The following CCDC33 variants were observed in gnomAD, a reference collection of about 807,000 sequenced individuals.
CCDC33 encodes the protein coiled-coil domain-containing protein 33.
CCDC33 carries 94 observed loss-of-function variants against 91.9 expected under a neutral mutation model. The observed-to-expected ratio is 1.02, with a 90% confidence interval of 0.87 to 1.21. CCDC33 has a LOEUF of 1.21. Ranked by LOEUF, CCDC33 falls within the 50% of genes most tolerant of loss-of-function variation. The pLI, the probability that CCDC33 is intolerant of heterozygous loss-of-function variation, is 0.00. For synonymous variants in CCDC33, 396 were observed against 374.5 expected (o/e 1.06, Z -0.66); for missense variants, 940 against 935.5 (o/e 1.00, Z -0.06).
At chr15:74,231,887 G>A (rs2074983186), upstream of CCDC33, among the ~76,000 whole-genome samples, 1 of 152,166 alleles carries the variant, frequency 6.6e-6, no homozygotes, top group African/African-American at 2.4e-5. Flanking sequence ...GTGGTGGCAT[G>A]CCTATAATCC....
intron 1 of CCDC33, among the ~76,000 whole-genome samples, chr15:74,239,837 G>A (rs35282413): frequency 0.46 from 69,569 of 150,230 alleles, 19,136 homozygotes; most frequent in Non-Finnish European, 0.63. Context: ...TACGGGGGGG[G>A]TACCCCATCA....
Position 74,330,655 on chromosome 15 carries a change from C to T in CCDC33, c.1457-8C>T. 1 of 1,611,480 alleles carries T rather than the reference C, an allele frequency of 6.2e-7. No homozygotes were observed. ...CTCCCTGAGCCAGCTCCCCAACCCACCTAACAGTGTCCATGAAGCAGAAAC... is the reference window on the plus strand; with the variant it reads ...CTCCCTGAGCCAGCTCCCCAACCCATCTAACAGTGTCCATGAAGCAGAAAC... On this transcript the variant is annotated splice_region_variant and splice_polypyrimidine_tract_variant and intron_variant, in intron 12 of 18. Coordinates refer to ENST00000398814, the MANE Select transcript of CCDC33 (RefSeq NM_025055.5).
intron 12 of CCDC33, 77 bp from the exon 13 acceptor site, chr15:74,330,586 C>A: frequency 7.9e-7 from 1 of 1,268,698 alleles, no homozygotes; most frequent in Non-Finnish European, 1.1e-6. Context: ...GGGATATCTG[C>A]CTTCCTGCTA....
chr15:74,209,175 C>A, intron 1 of CCDC33: 1 of 1,201,042 alleles, frequency 8.3e-7, no homozygotes, highest in Non-Finnish European at 1.1e-6. Context: ...GGGGCTGGGG[C>A]CCCACACAAC....
rs1378290591 is a variant in CCDC33 at position 74,310,412 on chromosome 15, C to T, written c.1290+14464C>T. On this transcript the variant is annotated intron_variant, in intron 11 of 18. Coordinates refer to ENST00000398814, the MANE Select transcript of CCDC33 (RefSeq NM_025055.5). ...ATCAGCTGAGCGTGATGGTGCATGCCTGTAATCCCAGCTACTTGAGAGGCT... is the reference window on the plus strand; with the variant it reads ...ATCAGCTGAGCGTGATGGTGCATGCTTGTAATCCCAGCTACTTGAGAGGCT... Among the ~76,000 whole-genome samples the T allele has an allele frequency of 5.9e-5, 9 of 152,034 alleles. 1 individual carries two copies. The East Asian group carries it at 1.2e-3, about 20-fold the overall frequency.
chr15:74,294,902 T>C (rs966472047), intron 10 of CCDC33, among the ~76,000 whole-genome samples: 1 of 152,102 alleles, frequency 6.6e-6, no homozygotes, highest in Non-Finnish European at 1.5e-5. Flanking sequence ...GGTGCTGGTA[T>C]TTGAGTGGCA....
At chr15:74,240,376 A>T (rs1373898470) in intron 1 of CCDC33, among the ~76,000 whole-genome samples, 1 of 152,106 alleles carries the variant, frequency 6.6e-6, no homozygotes, top group East Asian at 1.9e-4. Context: ...CCTCCCTTTC[A>T]TGGCCCTAGG....
intron 1 of CCDC33, 48 bp downstream of exon 1, chr15:74,236,788 T>C (rs2075174150): frequency 6.3e-7 from 1 of 1,586,452 alleles, no homozygotes; most frequent in Non-Finnish European, 8.6e-7. Flanking sequence ...CCGTCCCTCC[T>C]TCAAAGTCCT....
At chr15:74,333,757 G>T in intron 16 of CCDC33, 124 bp from the exon 17 acceptor site, 1 of 704,468 alleles carries the variant, frequency 1.4e-6, no homozygotes, top group Non-Finnish European at 2.4e-6. Context: ...CTGACGCTCT[G>T]CCTCGGGAGC....
intron 11 of CCDC33, among the ~76,000 whole-genome samples, chr15:74,315,709 G>A (rs574459103): frequency 1.3e-5 from 2 of 152,322 alleles, no homozygotes; most frequent in Non-Finnish European, 2.9e-5. Flanking sequence ...ACTCTGTCCT[G>A]TAGGTGGGGG....
intron 18 of CCDC33, chr15:74,335,533 G>A (rs913212972): frequency 3.3e-5 from 12 of 361,376 alleles, no homozygotes; most frequent in Middle Eastern, 7.9e-4. Flanking sequence ...CCAACTTCCC[G>A]AGAACAAACA....
At chr15:74,326,561 G>A (rs2060313863) in intron 11 of CCDC33, among the ~76,000 whole-genome samples, 1 of 152,238 alleles carries the variant, frequency 6.6e-6, no homozygotes, top group Non-Finnish European at 1.5e-5. Flanking sequence ...AGCGCTCAGT[G>A]GCAGTGGGGC....
At chr15:74,214,612 G>T (rs2074395696), upstream of CCDC33, among the ~76,000 whole-genome samples, 1 of 152,186 alleles carries the variant, frequency 6.6e-6, no homozygotes, top group Non-Finnish European at 1.5e-5. Flanking sequence ...GAAATTCACT[G>T]ATGTTTCCAG....
intron 1 of CCDC33, among the ~76,000 whole-genome samples, chr15:74,237,122 C>T (rs1460865617): frequency 6.6e-6 from 1 of 151,210 alleles, no homozygotes; most frequent in African/African-American, 2.5e-5. Flanking sequence ...GCCCCCATTG[C>T]CCCCATGCTC....
intron 2 of CCDC33, among the ~76,000 whole-genome samples, chr15:74,250,409 C>T (rs2075671172): frequency 6.6e-6 from 1 of 152,168 alleles, no homozygotes; most frequent in Admixed American, 6.5e-5. Flanking sequence ...CTGGACATCT[C>T]TCCGTTCTCT....
At chr15:74,308,509 C>T (rs1368679045) in intron 11 of CCDC33, among the ~76,000 whole-genome samples, 1 of 152,066 alleles carries the variant, frequency 6.6e-6, no homozygotes, top group East Asian at 1.9e-4. Flanking sequence ...CTCCTTAGGG[C>T]GGAGTCGAGG....
chr15:74,256,845 C>A (rs537208479), intron 2 of CCDC33, among the ~76,000 whole-genome samples: 2 of 152,258 alleles, frequency 1.3e-5, no homozygotes, highest in African/African-American at 4.8e-5. Flanking sequence ...TGGGCTGTGG[C>A]TTTCTCCTTG....
chr15:74,240,061 C>T (rs2075298304), intron 1 of CCDC33, among the ~76,000 whole-genome samples: 1 of 152,214 alleles, frequency 6.6e-6, no homozygotes, highest in African/African-American at 2.4e-5. Flanking sequence ...CCCTTCTGGC[C>T]TTACCCTTGG....
intron 10 of CCDC33, among the ~76,000 whole-genome samples, chr15:74,284,446 G>T (rs351212): frequency 6.6e-6 from 1 of 152,026 alleles, no homozygotes; most frequent in African/African-American, 2.4e-5. Context: ...AATCTAAAGG[G>T]GCCCATCCCC....
Sources: gnomAD v4.1 joint callset for allele counts (sites outside exome capture counted in the v4.1 genomes callset) on GRCh38, gnomAD v4.1.1 for gene constraint, MANE v1.5 for transcripts, NCBI Gene and HGNC (gene_info 2026-07-23, HGNC 2026-07-21) for gene names.